Variants in ZNF33A observed in about 807,000 individuals in gnomAD.
ZNF33A encodes brain my041 protein.
ZNF33A carries 9 observed loss-of-function variants against 15.9 expected under a neutral mutation model. That is an observed-to-expected ratio of 0.57 (90% confidence interval 0.34 to 0.99). The LOEUF is 0.99. ZNF33A is among the 50% of genes least tolerant of loss of function. The probability of loss-of-function intolerance (pLI) is 0.02; values close to 1 mark genes in which losing one functional copy is unlikely to be tolerated. For synonymous variants in ZNF33A, 294 were observed against 324.2 expected (o/e 0.91, Z 1.00); for missense variants, 843 against 941.6 (o/e 0.90, Z 1.37).
At chr10:38,032,324 GAAAC>G (rs758444492) in intron 4 of ZNF33A, among the ~76,000 whole-genome samples, 1 of 152,172 alleles carries the variant, frequency 6.6e-6, no homozygotes, top group Non-Finnish European at 1.5e-5. Context: ...AGGTATATAA[GAAAC>G]AATTTTCTTG....
chr10:38,025,640 G>A (rs933643045), intron 4 of ZNF33A, among the ~76,000 whole-genome samples: 4 of 152,236 alleles, frequency 2.6e-5, no homozygotes, highest in Non-Finnish European at 5.9e-5. Context: ...ATAAACTTCT[G>A]TTGTTTAAGC....
chr10:38,055,212 A>G lies in ZNF33A; in HGVS notation c.1088A>G (p.Glu363Gly), dbSNP rs2066410305. Residue 363 changes from glutamate (E) to glycine (G), a missense_variant, in exon 5 of 5, where the codon GAA (glutamate) becomes GGA (glycine). Physicochemically the swap from Glu to Gly is moderately conservative, Grantham distance 98. Transcript: ENST00000432900. ...GQKPFQCNEC[E>G]KAFWDKSNLT... ...AAACCCTTTCAATGTAATGAATGTG[A>G]AAAAGCTTTCTGGGATAAGTCAAAC... 2 of 1,614,138 alleles carry G rather than the reference A, an allele frequency of 1.2e-6. No homozygotes were observed. The highest frequency in any genetic ancestry group is 1.3e-5 in the African/African-American group (1 of 75,028).
At chr10:38,046,230 G>C (rs1295243346) in intron 4 of ZNF33A, among the ~76,000 whole-genome samples, 3 of 152,110 alleles carry the variant, frequency 2.0e-5, no homozygotes, top group African/African-American at 7.2e-5. Flanking sequence ...TCTGTAAAGG[G>C]GCCTCCATGA....
At chr10:38,041,054 G>A (rs1007260554) in intron 4 of ZNF33A, among the ~76,000 whole-genome samples, 10 of 151,784 alleles carry the variant, frequency 6.6e-5, no homozygotes, top group African/African-American at 2.2e-4. Flanking sequence ...TTTTGTTTTC[G>A]GTCTCCTGCT....
intron 4 of ZNF33A, among the ~76,000 whole-genome samples, chr10:38,049,171 A>C (rs560660789): frequency 7.0e-4 from 107 of 152,306 alleles, no homozygotes; most frequent in African/African-American, 2.4e-3. Flanking sequence ...ATACTTCTAC[A>C]TAATGGATTC....
intron 4 of ZNF33A, among the ~76,000 whole-genome samples, chr10:38,048,267 A>G (rs780052814): frequency 2.6e-5 from 4 of 152,222 alleles, no homozygotes; most frequent in Non-Finnish European, 5.9e-5. Flanking sequence ...TAAATCTCTA[A>G]AAAGTATATT....
chr10:38,051,685 C>T (rs1359342167), intron 4 of ZNF33A, among the ~76,000 whole-genome samples: 4 of 151,646 alleles, frequency 2.6e-5, no homozygotes, highest in East Asian at 1.9e-4. Flanking sequence ...TTATATATTA[C>T]GATTATACCT....
intron 4 of ZNF33A, among the ~76,000 whole-genome samples, chr10:38,029,313 A>G (rs1007384681): frequency 6.6e-6 from 1 of 152,124 alleles, no homozygotes; most frequent in Non-Finnish European, 1.5e-5. Context: ...GGACTGTTTT[A>G]CCAGCTAGAG....
At chr10:38,045,451 A>G (rs1429241679) in intron 4 of ZNF33A, among the ~76,000 whole-genome samples, 1 of 152,100 alleles carries the variant, frequency 6.6e-6, no homozygotes, top group African/African-American at 2.4e-5. Flanking sequence ...CCTGGACCAT[A>G]TGTTGCTCTT....
chr10:38,062,062 C>T (rs766513353), downstream of ZNF33A, among the ~76,000 whole-genome samples: 9 of 152,202 alleles, frequency 5.9e-5, no homozygotes, highest in Non-Finnish European at 1.0e-4. Flanking sequence ...AGCTCTACCT[C>T]ATGAACGATT....
At chr10:38,036,505 A>T (rs904693005) in intron 4 of ZNF33A, among the ~76,000 whole-genome samples, 2 of 152,126 alleles carry the variant, frequency 1.3e-5, no homozygotes, top group Non-Finnish European at 2.9e-5. Context: ...AAACCATATC[A>T]TGTCAATTGA....
At chr10:38,052,552 T>C (rs1564872793) in intron 4 of ZNF33A, among the ~76,000 whole-genome samples, 1 of 152,188 alleles carries the variant, frequency 6.6e-6, no homozygotes, top group African/African-American at 2.4e-5. Context: ...CAAAATAATA[T>C]AATTCCATGT....
intron 4 of ZNF33A, among the ~76,000 whole-genome samples, chr10:38,021,633 C>CA (rs1255848340): frequency 1.3e-5 from 2 of 150,474 alleles, no homozygotes; most frequent in Non-Finnish European, 3.0e-5. Flanking sequence ...GACTCTGTCT[C>CA]AAAAAAGAAA....
rs544922055 is a variant in ZNF33A, at chr10:38,016,855, A to G, written c.10-16A>G. 6.4e-5 allele frequency: 104 copies of G among 1,612,826 alleles called. 2 individuals carry two copies. In the South Asian group the frequency reaches 1.1e-3, roughly 18 times the overall value. ...CATACTTCTTTTTTCATGCCACCTA[A>G]TTCTGAATGTTTCAGGTAGAACAGA... On this transcript the variant is annotated splice_polypyrimidine_tract_variant and intron_variant, in intron 2 of 4. Coordinates refer to ENST00000432900, the MANE Select transcript of ZNF33A (RefSeq NM_006954.2).
rs756084178 is a variant in ZNF33A, at chr10:38,055,764, A to G, written c.1640A>G (p.His547Arg). 2 of 1,581,236 alleles carry G rather than the reference A, an allele frequency of 1.3e-6. No individual in the cohort carries two copies. Among genetic ancestry groups the G allele is most frequent in the Non-Finnish European group, 1.7e-6 (2 of 1,158,924 alleles). ...KSDLTVHQRT[H>R]TGQKPFACPE... Reference sequence around the variant, plus strand: ...GACCTCACAGTACATCAGAGAACACACACAGGGCAGAAACCCTTTGCATGT... The same window carrying G: ...GACCTCACAGTACATCAGAGAACACGCACAGGGCAGAAACCCTTTGCATGT... The change falls in exon 5 of 5, where the codon CAC (histidine) becomes CGC (arginine). Residue 547 changes from histidine (H) to arginine (R), a missense_variant. His to Arg is a conservative substitution (Grantham distance 29). Coordinates refer to ENST00000432900, the MANE Select transcript of ZNF33A (RefSeq NM_006954.2).
intron 4 of ZNF33A, among the ~76,000 whole-genome samples, chr10:38,027,792 A>G (rs1233006097): frequency 6.6e-6 from 1 of 152,172 alleles, no homozygotes; most frequent in Non-Finnish European, 1.5e-5. Flanking sequence ...TTATTCATAT[A>G]TAGTATCCTT....
At chr10:38,030,047 T>C (rs619739) in intron 4 of ZNF33A, among the ~76,000 whole-genome samples, 80,059 of 152,020 alleles carry the variant, frequency 0.53, 21,402 homozygotes, top group South Asian at 0.71. Flanking sequence ...AGACACGTTA[T>C]ACTGAAAGAT....
chr10:38,035,609 G>T (rs769577578), intron 4 of ZNF33A, among the ~76,000 whole-genome samples: 9 of 152,266 alleles, frequency 5.9e-5, no homozygotes, highest in Non-Finnish European at 1.2e-4. Flanking sequence ...CTCCTGTATT[G>T]AAAGGGGTCC....
downstream of ZNF33A, among the ~76,000 whole-genome samples, chr10:38,060,825 G>C (rs1424001799): frequency 6.6e-6 from 1 of 152,178 alleles, no homozygotes; most frequent in East Asian, 1.9e-4. Flanking sequence ...GTTTGCACTT[G>C]GCCTGTGCTG....
Sources: gnomAD v4.1 joint callset for allele counts (sites outside exome capture counted in the v4.1 genomes callset) on GRCh38, gnomAD v4.1.1 for gene constraint, MANE v1.5 for transcripts, NCBI Gene and HGNC (gene_info 2026-07-23, HGNC 2026-07-21) for gene names.